The following ATP11A variants were observed in gnomAD, a reference collection of about 807,000 sequenced individuals.
ATP11A encodes phospholipid-transporting ATPase IH.
Under a neutral mutation model 154.4 loss-of-function variants are expected in ATP11A, and 81 were observed. That is an observed-to-expected ratio of 0.52 (90% CI 0.44 to 0.63). The LOEUF (loss-of-function observed/expected upper bound fraction) is 0.63, where lower values mean the gene tolerates loss of function less well. Among genes scored for constraint, ATP11A ranks in the 30% least tolerant of loss-of-function variants. The probability of loss-of-function intolerance (pLI) is 0.00; values close to 1 mark genes in which losing one functional copy is unlikely to be tolerated. For synonymous variants in ATP11A, 623 were observed against 585.9 expected (o/e 1.06, Z -0.91); for missense variants, 1,316 against 1,474.3 (o/e 0.89, Z 1.76).
intron 29 of ATP11A, chr13:112,881,390 G>T: frequency 9.6e-7 from 1 of 1,041,692 alleles, no homozygotes; most frequent in South Asian, 3.5e-5. Flanking sequence ...GTGGGGTGGG[G>T]CCTGCCTTCC....
chr13:112,820,075 TCCCACAGGGC>T, intron 8 of ATP11A, 125 bp downstream of exon 8: 12 of 934,040 alleles, frequency 1.3e-5, no homozygotes, highest in Non-Finnish European at 1.9e-5. Flanking sequence ...AGTTCCGCTT[TCCCACAGGGC>T]CGGGCTCCAC....
intron 4 of ATP11A, among the ~76,000 whole-genome samples, chr13:112,809,879 G>A (rs956429525): frequency 4.6e-5 from 7 of 152,212 alleles, no homozygotes; most frequent in Admixed American, 3.9e-4. Context: ...GTGTGCCTTC[G>A]TAGTTGGAAT....
chr13:112,865,331 C>T (rs2080292295), intron 25 of ATP11A, among the ~76,000 whole-genome samples: 1 of 151,950 alleles, frequency 6.6e-6, no homozygotes, highest in Admixed American at 6.5e-5. Context: ...CGTGCAGCTT[C>T]CCAGCGGGGT....
chr13:112,738,045 G>A (rs552310348), intron 1 of ATP11A, among the ~76,000 whole-genome samples: 13 of 152,136 alleles, frequency 8.5e-5, no homozygotes, highest in African/African-American at 2.2e-4. Context: ...GTTCAGCGCC[G>A]GCTTCCCAAA....
At chr13:112,752,440 G>T (rs1006263806) in intron 1 of ATP11A, among the ~76,000 whole-genome samples, 1 of 152,160 alleles carries the variant, frequency 6.6e-6, no homozygotes, top group African/African-American at 2.4e-5. Flanking sequence ...TCCTCCCGGC[G>T]GGCGCCCCTG....
intron 25 of ATP11A, among the ~76,000 whole-genome samples, chr13:112,865,797 C>G (rs4907548): frequency 2.6e-5 from 4 of 152,046 alleles, no homozygotes; most frequent in African/African-American, 9.7e-5. Flanking sequence ...GTGATCTGCC[C>G]GCCTTGGCCT....
At chr13:112,693,496 T>C (rs1009972937) in intron 1 of ATP11A, among the ~76,000 whole-genome samples, 3 of 150,830 alleles carry the variant, frequency 2.0e-5, no homozygotes, top group African/African-American at 7.3e-5. Flanking sequence ...AGAGTGTGTG[T>C]GCCGTGGGGT....
chr13:112,834,425 C>G (rs1237976130), intron 14 of ATP11A, among the ~76,000 whole-genome samples, 164 bp from the exon 15 acceptor site: 5 of 152,192 alleles, frequency 3.3e-5, no homozygotes, highest in Non-Finnish European at 7.3e-5. Flanking sequence ...TGAATAAGTT[C>G]ATTATGATAA....
In ATP11A at chr13:112,882,901, C is replaced by A. The variant is rs1440326955; in HGVS notation, c.*1035C>A. The A allele has an allele frequency of 2.5e-6, 1 of 398,720 alleles. No individual in the cohort carries two copies. The highest frequency in any genetic ancestry group is 4.4e-5 in the Admixed American group (1 of 22,700). 24.7% of individuals were successfully genotyped at this position (398,720 alleles called of 1,614,324 possible). A position where few individuals can be genotyped will look rare whatever the true frequency, so the allele number is the denominator to read the frequency against. On this transcript the variant is annotated 3_prime_UTR_variant, in exon 30 of 30. Coordinates refer to ENST00000375645, the MANE Select transcript of ATP11A (RefSeq NM_015205.3). This position sits in a 1 kb window ranked among gnomAD's most constrained non-coding sequence, Gnocchi z 5.1. ...TGCACCAGAACCTGTCTCGGGCTGACGGGGGTGGCACACAGGACACGGGTG... is the reference window on the plus strand; with the variant it reads ...TGCACCAGAACCTGTCTCGGGCTGAAGGGGGTGGCACACAGGACACGGGTG...
intron 2 of ATP11A, among the ~76,000 whole-genome samples, chr13:112,802,170 C>A (rs1484142683): frequency 6.6e-6 from 1 of 152,046 alleles, no homozygotes; most frequent in Non-Finnish European, 1.5e-5. Flanking sequence ...CGATGAAACC[C>A]CATCTCTACT....
intron 1 of ATP11A, among the ~76,000 whole-genome samples, chr13:112,784,152 G>A (rs779333735): frequency 2.0e-5 from 3 of 152,240 alleles, no homozygotes; most frequent in Non-Finnish European, 2.9e-5. Flanking sequence ...CTGTTAGGCG[G>A]AGAGGAGTAG....
At chr13:112,812,074 T>A (rs1406166366) in intron 5 of ATP11A, 1 of 152,266 alleles carries the variant, frequency 6.6e-6, no homozygotes, top group Non-Finnish European at 1.5e-5. Context: ...TCTTGAAGGC[T>A]GCATTTTAAA....
At chr13:112,731,731 T>C (rs1319688791) in intron 1 of ATP11A, among the ~76,000 whole-genome samples, 5 of 152,112 alleles carry the variant, frequency 3.3e-5, no homozygotes, top group African/African-American at 1.2e-4. Context: ...ATCCATCACA[T>C]CTTATCCTGT....
chr13:112,885,244 G>A lies in ATP11A; in HGVS notation c.*3378G>A, dbSNP rs900363953. Reference sequence around the variant, plus strand: ...ACACACGGACGTGTGATACACACATGCATGTACAGGTAAGCACACATGTAC... The same window carrying A: ...ACACACGGACGTGTGATACACACATACATGTACAGGTAAGCACACATGTAC... On this transcript the variant is annotated 3_prime_UTR_variant, in exon 30 of 30. Coordinates refer to ENST00000375645, the MANE Select transcript of ATP11A (RefSeq NM_015205.3). The A allele has an allele frequency of 4.6e-5, 7 of 151,682 alleles. No homozygotes were observed. The highest frequency in any genetic ancestry group is 1.7e-4 in the African/African-American group (7 of 41,378). 9.4% of individuals were successfully genotyped at this position (151,682 alleles called of 1,614,324 possible).
At chr13:112,722,694 C>A (rs77846586) in intron 1 of ATP11A, among the ~76,000 whole-genome samples, 2 of 152,184 alleles carry the variant, frequency 1.3e-5, no homozygotes, top group South Asian at 4.1e-4. Context: ...GGTTTACATA[C>A]GTAAAATACT....
intron 2 of ATP11A, among the ~76,000 whole-genome samples, chr13:112,787,902 G>T (rs2077696813): frequency 6.7e-6 from 1 of 149,424 alleles, no homozygotes; most frequent in Admixed American, 6.6e-5. Context: ...GTGTCCTCAT[G>T]TGTAGACCCT....
Position 112,781,547 on chromosome 13 carries a change from C to G in ATP11A, c.40-3588C>G, listed in dbSNP as rs917817220. Among the ~76,000 whole-genome samples, 3 of 152,086 alleles carry G rather than the reference C, an allele frequency of 2.0e-5. No homozygotes were observed. In the East Asian group the frequency reaches 5.8e-4, roughly 29 times the overall value. On this transcript the variant is annotated intron_variant, in intron 1 of 29. Transcript: ENST00000375645. ...GTCGCTGCTGACAACATTTGACGGA[C>G]GCGTGGTGTGAGGCAGCCGCAGCCA...
chr13:112,782,980 A>G (rs1211182758), intron 1 of ATP11A, among the ~76,000 whole-genome samples: 1 of 152,232 alleles, frequency 6.6e-6, no homozygotes, highest in Admixed American at 6.5e-5. Context: ...CTCTGAAAAC[A>G]CAGTTGGGGC....
At position 112,696,708 on chromosome 13, in the gene ATP11A, A is replaced by G. The variant is rs1027878341; in HGVS notation, c.39+6253A>G. 4 of 149,278 alleles carry G rather than the reference A, an allele frequency of 2.7e-5. No individual in the cohort carries two copies. The highest frequency in any genetic ancestry group is 9.9e-5 in the African/African-American group (4 of 40,408). 9.2% of individuals were successfully genotyped at this position (149,278 alleles called of 1,614,324 possible). A position where few individuals can be genotyped will look rare whatever the true frequency, so the allele number is the denominator to read the frequency against. ...GGGTTCCCTTACCAAGGTCTCCATC[A>G]CCCCCAGGCCCACCTCCCTCGGGCC... On this transcript the variant is annotated intron_variant, in intron 1 of 29. Transcript: ENST00000375645. The surrounding 1 kb of genome is among the most constrained non-coding windows in gnomAD (Gnocchi z 6.2).
Sources: allele counts gnomAD v4.1 joint callset (sites outside exome capture counted in the v4.1 genomes callset), GRCh38; gene constraint gnomAD v4.1.1; non-coding constraint Gnocchi (gnomAD v3.1); transcripts MANE v1.5; gene names NCBI Gene and HGNC (gene_info 2026-07-23, HGNC 2026-07-21).